DENND1B: variants seen among roughly 807,000 people sequenced by gnomAD.
DENND1B encodes DENN domain containing 1B, also known as DENN domain-containing protein 1B.
A neutral mutation model predicts 90.1 loss-of-function variants in DENND1B; 59 were observed. That is an observed-to-expected ratio of 0.65 (90% CI 0.53 to 0.81). DENND1B has a LOEUF of 0.81. DENND1B is among the 40% of genes least tolerant of loss of function. DENND1B has a pLI of 0.00. For synonymous variants in DENND1B, 337 were observed against 324.6 expected, an observed-to-expected ratio of 1.04 and a Z score of -0.41; for missense variants, 862 against 912.6, an observed-to-expected ratio of 0.94 and a Z score of 0.71.
chr1:197,513,660 TTAA>T (rs1668192322), intron 20 of DENND1B, among the ~76,000 whole-genome samples: 1 of 151,604 alleles, frequency 6.6e-6, no homozygotes, highest in African/African-American at 2.4e-5. Flanking sequence ...ACCTAGCAAG[TTAA>T]TAATTTTTCT....
At chr1:197,718,041 T>C (rs1023410113) in intron 2 of DENND1B, among the ~76,000 whole-genome samples, 2 of 152,044 alleles carry the variant, frequency 1.3e-5, no homozygotes, top group Non-Finnish European at 2.9e-5. Context: ...TGTAGAAGAA[T>C]ATGTATGAAG....
intron 2 of DENND1B, among the ~76,000 whole-genome samples, chr1:197,744,290 G>T (rs1663497685): frequency 6.6e-6 from 1 of 152,156 alleles, no homozygotes; most frequent in Admixed American, 6.5e-5. Context: ...AGAGGAATCA[G>T]TATCTAGGGC....
In DENND1B at chr1:197,619,168, T is replaced by C. The variant is rs150746929; in HGVS notation, c.673-1409A>G. ...CAAGCTTTAATAGGTTATGATAGTA[T>C]TCCTTCAATAAGTATTACTTTTTAA... On this transcript the variant is annotated intron_variant, in intron 10 of 22. Transcript: ENST00000620048. Among the ~76,000 whole-genome samples, 628 of 151,392 alleles carry C rather than the reference T, an allele frequency of 4.1e-3. 4 individuals carry two copies. The highest frequency in any genetic ancestry group is 0.013 in the South Asian group (63 of 4,822).
At chr1:197,698,164 T>G (rs568186013) in intron 3 of DENND1B, among the ~76,000 whole-genome samples, 1 of 152,236 alleles carries the variant, frequency 6.6e-6, no homozygotes, top group African/African-American at 2.4e-5. Context: ...ACCACATAAT[T>G]GGAAGTAAAA....
intron 2 of DENND1B, among the ~76,000 whole-genome samples, chr1:197,756,913 C>T (rs1654382834): frequency 6.6e-6 from 1 of 150,800 alleles, no homozygotes; most frequent in Non-Finnish European, 1.5e-5. Context: ...ATTTTGCAAT[C>T]CTCTCTCCTA....
At chr1:197,637,329 T>G (rs1349737765) in intron 10 of DENND1B, among the ~76,000 whole-genome samples, 1 of 152,202 alleles carries the variant, frequency 6.6e-6, no homozygotes, top group African/African-American at 2.4e-5. Flanking sequence ...CCTAGGGGAA[T>G]GACAAGTTAA....
chr1:197,570,355 C>T (rs925501891), intron 15 of DENND1B, among the ~76,000 whole-genome samples: 4 of 152,020 alleles, frequency 2.6e-5, no homozygotes, highest in African/African-American at 4.8e-5. Flanking sequence ...TCCAAAACTA[C>T]ATGGGATTTA....
chr1:197,683,665 A>G (rs1030618256), intron 3 of DENND1B, among the ~76,000 whole-genome samples: 3 of 152,202 alleles, frequency 2.0e-5, no homozygotes, highest in African/African-American at 7.2e-5. Flanking sequence ...TACGAAAGAT[A>G]AATATCCTTC....
At chr1:197,745,857 G>A (rs1663689860) in intron 2 of DENND1B, among the ~76,000 whole-genome samples, 1 of 151,594 alleles carries the variant, frequency 6.6e-6, no homozygotes, top group Admixed American at 6.6e-5. Context: ...TTTCTTTATT[G>A]TAACAGTTTA....
intron 14 of DENND1B, among the ~76,000 whole-genome samples, chr1:197,588,927 T>G (rs1314354628): frequency 6.6e-6 from 1 of 152,080 alleles, no homozygotes; most frequent in African/African-American, 2.4e-5. Flanking sequence ...ACATATTATT[T>G]TATTACTTTA....
intron 5 of DENND1B, among the ~76,000 whole-genome samples, chr1:197,669,520 C>T (rs1655279771): frequency 2.0e-5 from 3 of 152,134 alleles, no homozygotes; most frequent in South Asian, 4.2e-4. Context: ...TTGAATCCTC[C>T]ATTCATTATT....
chr1:197,549,801 C>T (rs192750107), intron 16 of DENND1B, among the ~76,000 whole-genome samples: 162 of 152,104 alleles, frequency 1.1e-3, no homozygotes, highest in Non-Finnish European at 1.8e-3. Context: ...TAAGGTATGA[C>T]GTGGATTTCC....
chr1:197,639,646 G>A (rs7513577), intron 10 of DENND1B, among the ~76,000 whole-genome samples: 10 of 152,026 alleles, frequency 6.6e-5, no homozygotes, highest in South Asian at 4.2e-4. Flanking sequence ...TGGATAAAAC[G>A]TTAATTTCGA....
chr1:197,752,775 T>A (rs549256397), intron 2 of DENND1B, among the ~76,000 whole-genome samples: 59 of 152,104 alleles, frequency 3.9e-4, no homozygotes, highest in African/African-American at 1.3e-3. Flanking sequence ...CACCTAATGT[T>A]ATCCTTCCCC....
At chr1:197,720,371 G>A (rs1255202217) in intron 2 of DENND1B, among the ~76,000 whole-genome samples, 1 of 151,886 alleles carries the variant, frequency 6.6e-6, no homozygotes, top group African/African-American at 2.4e-5. Flanking sequence ...CCAAGTAGCT[G>A]GGACTATAGG....
intron 2 of DENND1B, among the ~76,000 whole-genome samples, chr1:197,728,596 G>A (rs1458889225): frequency 6.6e-6 from 1 of 152,118 alleles, no homozygotes; most frequent in African/African-American, 2.4e-5. Context: ...GCCTAACCAT[G>A]TTAGTTATTT....
At chr1:197,656,375 T>G (rs898919581) in intron 6 of DENND1B, among the ~76,000 whole-genome samples, 1 of 151,940 alleles carries the variant, frequency 6.6e-6, no homozygotes, top group African/African-American at 2.4e-5. Flanking sequence ...CAAATAAGAA[T>G]TTAAACAGAT....
chr1:197,662,231 G>A (rs1450988391), intron 5 of DENND1B, among the ~76,000 whole-genome samples: 1 of 152,018 alleles, frequency 6.6e-6, no homozygotes, highest in Non-Finnish European at 1.5e-5. Flanking sequence ...TAACTCACTA[G>A]TTAGTTATAC....
chr1:197,709,451 A>G (rs1409578326), intron 3 of DENND1B, among the ~76,000 whole-genome samples: 12 of 31,258 alleles, frequency 3.8e-4, no homozygotes, highest in African/African-American at 1.8e-3. Flanking sequence ...AGAATTTTCA[A>G]TCCAGAATTT....
Sources: allele counts gnomAD v4.1 joint callset (sites outside exome capture counted in the v4.1 genomes callset), GRCh38; gene constraint gnomAD v4.1.1; transcripts MANE v1.5; gene names NCBI Gene and HGNC (gene_info 2026-07-23, HGNC 2026-07-21).